Variants in CDH19 observed in about 807,000 individuals in gnomAD.
CDH19 encodes the protein cadherin-19.
Under a neutral mutation model 64.2 loss-of-function variants are expected in CDH19, and 67 were observed. The observed-to-expected ratio is 1.04, with a 90% confidence interval of 0.86 to 1.28. The LOEUF is 1.28. Among genes scored for constraint, CDH19 ranks in the 50% most tolerant of loss-of-function variants. The pLI is 0.00. For synonymous variants in CDH19, 346 were observed against 319.3 expected (o/e 1.08, Z -0.89); for missense variants, 1,030 against 929.0 (o/e 1.11, Z -1.41).
intron 3 of CDH19, among the ~76,000 whole-genome samples, chr18:66,557,403 G>C (rs918021400): frequency 1.3e-5 from 2 of 151,964 alleles, no homozygotes; most frequent in African/African-American, 4.8e-5. Context: ...TGTCTACTAA[G>C]TGGAGAATCT....
chr18:66,522,104 G>A lies in CDH19; in HGVS notation c.1458+7741C>T, dbSNP rs1986019920. ...TGGTACTACAGGCGCCCGCCACCAT[G>A]CCCGGCAATTTTTTTTTGTATTTTT... On this transcript the variant is annotated intron_variant, in intron 9 of 11. Transcript: ENST00000262150. Among the ~76,000 whole-genome samples, 4 of 151,500 alleles carry A rather than the reference G, an allele frequency of 2.6e-5. No homozygotes were observed. In the South Asian group the frequency reaches 8.4e-4, roughly 32 times the overall value.
chr18:66,511,312 G>C (rs1272806184), intron 10 of CDH19, among the ~76,000 whole-genome samples: 1 of 151,138 alleles, frequency 6.6e-6, no homozygotes, highest in East Asian at 1.9e-4. Flanking sequence ...GGGTCATTCA[G>C]ACTTTACAAG....
At chr18:66,583,327 C>A in intron 1 of CDH19, among the ~76,000 whole-genome samples, 1 of 151,978 alleles carries the variant, frequency 6.6e-6, no homozygotes, top group East Asian at 1.9e-4. Flanking sequence ...GGAATAAAAA[C>A]ATGATTTTCT....
chr18:66,510,415 TTAATA>T (rs1985417593), intron 10 of CDH19, among the ~76,000 whole-genome samples: 1 of 149,064 alleles, frequency 6.7e-6, no homozygotes, highest in African/African-American at 2.4e-5. Flanking sequence ...TTATTTTATA[TTAATA>T]TAAATTAATC....
chr18:66,551,891 G>A (rs568445847), intron 4 of CDH19, among the ~76,000 whole-genome samples: 168 of 151,876 alleles, frequency 1.1e-3, no homozygotes, highest in Non-Finnish European at 1.7e-3. Context: ...CTTAAGACAG[G>A]TTCATAAGAG....
Position 66,548,475 on chromosome 18 carries a change from G to A in CDH19, c.775+2619C>T, listed in dbSNP as rs190009983. On this transcript the variant is annotated intron_variant, in intron 5 of 11. Transcript: ENST00000262150. The stretch of plus-strand genomic sequence containing the variant: ...CAAAGGCCTGACTCACAAATGTTCC[G>A]AAGTTTAAAGTATACAAAGAAAAGG... 5.7e-4 allele frequency among the ~76,000 whole-genome samples: 66 copies of A among 115,758 alleles called. 1 individual carries two copies. The East Asian group carries it at 0.014, about 24-fold the overall frequency. The allele number at this position is 115,758 out of a possible 152,430, so 75.9% of individuals were successfully genotyped here. A position where few individuals can be genotyped will look rare whatever the true frequency, so the allele number is the denominator to read the frequency against.
At chr18:66,563,791 G>A (rs867811782) in intron 3 of CDH19, among the ~76,000 whole-genome samples, 3 of 151,804 alleles carry the variant, frequency 2.0e-5, no homozygotes, top group Non-Finnish European at 4.4e-5. Flanking sequence ...ATCTTAACTG[G>A]GCAAAGTGTT....
At chr18:66,533,977 A>C (rs1986556663) in intron 8 of CDH19, among the ~76,000 whole-genome samples, 1 of 151,986 alleles carries the variant, frequency 6.6e-6, no homozygotes, top group African/African-American at 2.4e-5. Context: ...TATTTTCCCC[A>C]AATAGATCTA....
chr18:66,572,852 A>G (rs1988149227), intron 1 of CDH19, among the ~76,000 whole-genome samples: 1 of 151,768 alleles, frequency 6.6e-6, no homozygotes, highest in Admixed American at 6.6e-5. Flanking sequence ...TGATACTATA[A>G]AACACTGAAT....
intron 1 of CDH19, among the ~76,000 whole-genome samples, chr18:66,597,425 C>T (rs890556251): frequency 1.3e-5 from 2 of 151,978 alleles, no homozygotes; most frequent in Non-Finnish European, 2.9e-5. Flanking sequence ...TTAAACTGGA[C>T]CCCTTCCTTC....
chr18:66,558,783 A>G (rs911884582), intron 3 of CDH19, among the ~76,000 whole-genome samples: 5 of 152,080 alleles, frequency 3.3e-5, no homozygotes, highest in African/African-American at 1.2e-4. Context: ...AGTTAAATAT[A>G]GGTTAACTAA....
intron 3 of CDH19, among the ~76,000 whole-genome samples, chr18:66,565,346 C>G (rs952799570): frequency 6.6e-6 from 1 of 151,944 alleles, no homozygotes; most frequent in Admixed American, 6.6e-5. Context: ...TATCTCATGA[C>G]ATAATGAAAT....
intron 3 of CDH19, among the ~76,000 whole-genome samples, chr18:66,565,480 C>T (rs543488080): frequency 6.6e-6 from 1 of 151,758 alleles, no homozygotes; most frequent in South Asian, 2.1e-4. Flanking sequence ...AAAATGTTTG[C>T]AATAGTTGTT....
intron 9 of CDH19, among the ~76,000 whole-genome samples, chr18:66,517,806 G>A (rs927913613): frequency 1.4e-4 from 22 of 151,956 alleles, no homozygotes; most frequent in African/African-American, 4.8e-4. Flanking sequence ...AAAAGTATGT[G>A]AAGATGATAT....
At chr18:66,578,507 C>G (rs1487832910) in intron 1 of CDH19, among the ~76,000 whole-genome samples, 1 of 151,722 alleles carries the variant, frequency 6.6e-6, no homozygotes, top group Non-Finnish European at 1.5e-5. Context: ...GCAACTGTAC[C>G]TCTCATACAC....
chr18:66,584,955 T>C (rs1052891922), intron 1 of CDH19, among the ~76,000 whole-genome samples: 18 of 152,118 alleles, frequency 1.2e-4, no homozygotes, highest in Non-Finnish European at 1.5e-5. Flanking sequence ...CCTGTCTTTA[T>C]TTTTAGTTTT....
At chr18:66,595,949 T>G (rs1397247244) in intron 1 of CDH19, among the ~76,000 whole-genome samples, 3 of 151,936 alleles carry the variant, frequency 2.0e-5, no homozygotes, top group African/African-American at 4.8e-5. Context: ...CAGCAACATA[T>G]CAAATTCAAT....
At chr18:66,596,914 C>G (rs1352612737) in intron 1 of CDH19, among the ~76,000 whole-genome samples, 2 of 149,556 alleles carry the variant, frequency 1.3e-5, no homozygotes, top group East Asian at 2.0e-4. Context: ...AACCCCGTCT[C>G]TACTAAAAAT....
chr18:66,532,757 G>T (rs1225523292), intron 8 of CDH19: 1 of 450,842 alleles, frequency 2.2e-6, no homozygotes, highest in Non-Finnish European at 4.5e-6. Flanking sequence ...CAACGATCTT[G>T]TTCTAAGTTG....
Sources: gnomAD v4.1 joint callset for allele counts (sites outside exome capture counted in the v4.1 genomes callset) on GRCh38, gnomAD v4.1.1 for gene constraint, MANE v1.5 for transcripts, NCBI Gene and HGNC (gene_info 2026-07-23, HGNC 2026-07-21) for gene names.